The following INSR variants were observed in gnomAD, a reference collection of about 807,000 sequenced individuals.
INSR encodes IR.
INSR carries 67 observed loss-of-function variants against 142.6 expected under a neutral mutation model. The ratio of observed to expected loss-of-function variants is 0.47; its 90% CI spans 0.39 to 0.58. The LOEUF is 0.58. Ranked by LOEUF, INSR falls within the 20% of genes least tolerant of loss-of-function variation. The pLI is 0.00. For missense variants in INSR, 1,248 were observed against 1,833.2 expected, an observed-to-expected ratio of 0.68 and a Z score of 5.83; for synonymous variants, 756 against 743.1, an observed-to-expected ratio of 1.02 and a Z score of -0.28.
chr19:7,214,401 C>T (rs1401222487), intron 2 of INSR, among the ~76,000 whole-genome samples: 2 of 152,224 alleles, frequency 1.3e-5, no homozygotes, highest in Non-Finnish European at 2.9e-5. Flanking sequence ...GACTGCCTAA[C>T]TGGAGGGAAC....
chr19:7,130,789 TTC>T (rs1429124878), intron 14 of INSR, among the ~76,000 whole-genome samples: 1 of 151,644 alleles, frequency 6.6e-6, no homozygotes, highest in African/African-American at 2.4e-5. Context: ...CTCTCTTCTC[TTC>T]TTTCTTTTTC....
At chr19:7,157,860 G>C (rs1222982277) in intron 9 of INSR, among the ~76,000 whole-genome samples, 1 of 151,736 alleles carries the variant, frequency 6.6e-6, no homozygotes, top group African/African-American at 2.4e-5. Context: ...CCTGTGAATG[G>C]TGAGTATCCA....
At chr19:7,177,819 T>G (rs1056319040) in intron 3 of INSR, among the ~76,000 whole-genome samples, 1 of 150,674 alleles carries the variant, frequency 6.6e-6, no homozygotes, top group South Asian at 2.1e-4. Flanking sequence ...AGTGCTGGGA[T>G]TACAGGTGTG....
At chr19:7,262,944 G>A (rs377159142) in intron 2 of INSR, among the ~76,000 whole-genome samples, 1 of 152,178 alleles carries the variant, frequency 6.6e-6, no homozygotes, top group Non-Finnish European at 1.5e-5. Context: ...GCAAAACCAC[G>A]TGAACGTGCT....
chr19:7,260,703 G>C (rs1412290287), intron 2 of INSR, among the ~76,000 whole-genome samples: 1 of 151,882 alleles, frequency 6.6e-6, no homozygotes, highest in Non-Finnish European at 1.5e-5. Context: ...AGCACCTGAG[G>C]CTAGGTTAAG....
chr19:7,197,381 G>A (rs1193163332), intron 2 of INSR, among the ~76,000 whole-genome samples: 1 of 152,236 alleles, frequency 6.6e-6, no homozygotes, highest in African/African-American at 2.4e-5. Flanking sequence ...GTCCGTCCAC[G>A]GGGGCGGGCC....
chr19:7,219,529 GA>G (rs1975542966), intron 2 of INSR, among the ~76,000 whole-genome samples: 3 of 111,106 alleles, frequency 2.7e-5, no homozygotes, highest in South Asian at 3.7e-4. Context: ...AAGAAGGAAG[GA>G]AGGAAGGGAG....
chr19:7,141,905 T>A, intron 12 of INSR, 89 bp from the exon 13 acceptor site: 1 of 1,055,148 alleles, frequency 9.5e-7, no homozygotes, highest in South Asian at 1.3e-5. Flanking sequence ...CTTGGGCTGG[T>A]GACGTCATTT....
At chr19:7,257,446 C>T (rs1186455171) in intron 2 of INSR, among the ~76,000 whole-genome samples, 4 of 117,196 alleles carry the variant, frequency 3.4e-5, no homozygotes, top group Non-Finnish European at 7.0e-5. Flanking sequence ...AGGGGAAAGG[C>T]GGGGTGGGAG....
In INSR at chr19:7,150,480, G is replaced by T. The variant is rs41509747; in HGVS notation, c.2267+17C>A. The T allele has an allele frequency of 1.2e-6, 2 of 1,613,094 alleles. No homozygotes were observed. Among genetic ancestry groups the T allele is most frequent in the Non-Finnish European group, 1.7e-6 (2 of 1,179,156 alleles). Reference sequence around the variant, plus strand: ...CTGCGCGGAGCAGGCACCAGGGGTCGCACAGGTGAGTCATACCTAGGGTCC... The same window carrying T: ...CTGCGCGGAGCAGGCACCAGGGGTCTCACAGGTGAGTCATACCTAGGGTCC... On this transcript the variant is annotated intron_variant, in intron 11 of 21. Transcript: ENST00000302850. This position sits in a 1 kb window ranked among gnomAD's most constrained non-coding sequence, Gnocchi z 4.2.
At chr19:7,235,493 G>A (rs892871524) in intron 2 of INSR, among the ~76,000 whole-genome samples, 10 of 152,120 alleles carry the variant, frequency 6.6e-5, no homozygotes, top group African/African-American at 2.4e-4. Context: ...CCACAGTGTG[G>A]AGCTAATTAA....
Position 7,267,794 on chromosome 19 carries a change from G to A in INSR, c.203C>T (p.Thr68Met). 1.9e-6 allele frequency: 3 copies of A among 1,614,044 alleles called. No homozygotes were observed. The highest frequency in any genetic ancestry group is 2.5e-6 in the Non-Finnish European group (3 of 1,179,968). ...GAGGTCTCGGAAATCTTCGGGCCTCGTTTTGAACATCAAGAGTATCTGCAA... is the reference window on the plus strand; with the variant it reads ...GAGGTCTCGGAAATCTTCGGGCCTCATTTTGAACATCAAGAGTATCTGCAA... ...GHLQILLMFK[T>M]RPEDFRDLSF... The change falls in exon 2 of 22, where the codon ACG (threonine) becomes ATG (methionine). Residue 68 changes from threonine to methionine, a missense_variant. Thr to Met is a moderately conservative substitution (Grantham distance 81). Coordinates refer to ENST00000302850, the MANE Select transcript of INSR (RefSeq NM_000208.4). This position sits in a 1 kb window ranked among gnomAD's most constrained non-coding sequence, Gnocchi z 6.3.
rs865976511 is a variant in INSR, at chr19:7,294,220, C to A, written c.-329G>T. On this transcript the variant is annotated 5_prime_UTR_variant, in exon 1 of 22. Coordinates refer to ENST00000302850, the MANE Select transcript of INSR (RefSeq NM_000208.4). ...GGGACTGTCTCTCGGCTCTCGGCCC[C>A]GCGCGCTCTGGGTCGCGATCTGCGG... 6.6e-6 allele frequency among the ~76,000 whole-genome samples: 1 copy of A among 151,252 alleles called. No homozygotes were observed. The highest frequency in any genetic ancestry group is 1.5e-5 in the Non-Finnish European group (1 of 67,668).
At chr19:7,195,945 T>C (rs77612176) in intron 2 of INSR, among the ~76,000 whole-genome samples, 1 of 148,058 alleles carries the variant, frequency 6.8e-6, no homozygotes, top group East Asian at 2.0e-4. Flanking sequence ...TTTTTTTTTT[T>C]TTTGTTTGAG....
chr19:7,285,309 G>A (rs967285943), intron 1 of INSR, among the ~76,000 whole-genome samples: 18 of 152,080 alleles, frequency 1.2e-4, no homozygotes, highest in African/African-American at 2.2e-4. Context: ...AAAACTAGCC[G>A]GGCATGGTGG....
At chr19:7,189,664 CTTTTTTT>C (rs35476514) in intron 2 of INSR, among the ~76,000 whole-genome samples, 8 of 141,570 alleles carry the variant, frequency 5.7e-5, no homozygotes, top group Non-Finnish European at 1.1e-4. Context: ...TTTACTATTA[CTTTTTTT>C]TTTTTTTTTT....
chr19:7,203,182 A>T (rs1243767042), intron 2 of INSR, among the ~76,000 whole-genome samples: 1 of 152,048 alleles, frequency 6.6e-6, no homozygotes, highest in Non-Finnish European at 1.5e-5. Context: ...GCTGTGTTGG[A>T]GTCTTCTCCG....
At position 7,125,118 on chromosome 19, in the gene INSR, G is replaced by C. The variant is rs925757345; in HGVS notation, c.3258+165C>G. Among the ~76,000 whole-genome samples, 2 of 152,090 alleles carry C rather than the reference G, an allele frequency of 1.3e-5. No homozygotes were observed. Among genetic ancestry groups the C allele is most frequent in the Non-Finnish European group, 2.9e-5 (2 of 68,010 alleles). ...CGAAGTGGGAGAGGATGGGATTTGA[G>C]AAGGGAATGATCCCTCCTCACACCT... On this transcript the variant is annotated intron_variant, in intron 17 of 21. Transcript: ENST00000302850. The surrounding 1 kb of genome is among the most constrained non-coding windows in gnomAD (Gnocchi z 4.9).
rs780301757 is a variant in INSR, at chr19:7,125,470, G to C, written c.3071C>G (p.Thr1024Ser). 1 of 1,614,080 alleles carries C rather than the reference G, an allele frequency of 6.2e-7. No individual in the cohort carries two copies. Among genetic ancestry groups the C allele is most frequent in the Non-Finnish European group, 8.5e-7 (1 of 1,180,012 alleles). The change falls in exon 17 of 22, where the codon ACC (threonine) becomes AGC (serine). Residue 1024 changes from threonine (T) to serine (S), a missense_variant. Thr to Ser is a moderately conservative substitution (Grantham distance 58). Coordinates refer to ENST00000302850, the MANE Select transcript of INSR (RefSeq NM_000208.4). The surrounding 1 kb of genome is among the most constrained non-coding windows in gnomAD (Gnocchi z 4.9). ...DEWEVSREKI[T>S]LLRELGQGSF... ...GCCCTGCCCCAGCTCTCGAAGGAGG[G>C]TGATCTTCTCTCGAGACACCTCCCA...
Sources: allele counts gnomAD v4.1 joint callset (sites outside exome capture counted in the v4.1 genomes callset), GRCh38; gene constraint gnomAD v4.1.1; non-coding constraint Gnocchi (gnomAD v3.1); transcripts MANE v1.5; gene names NCBI Gene and HGNC (gene_info 2026-07-23, HGNC 2026-07-21).